The following STK32B variants were observed in gnomAD, a reference collection of about 807,000 sequenced individuals.
STK32B encodes the protein serine/threonine-protein kinase 32B.
A neutral mutation model predicts 52.6 loss-of-function variants in STK32B; 43 were observed. That is an observed-to-expected ratio of 0.82 (90% CI 0.64 to 1.05). The LOEUF (loss-of-function observed/expected upper bound fraction) is 1.05. Among genes scored for constraint, STK32B ranks in the 50% least tolerant of loss-of-function variants. STK32B has a pLI of 0.00. For missense variants in STK32B, 621 were observed against 534.6 expected, an observed-to-expected ratio of 1.16 and a Z score of -1.59; for synonymous variants, 238 against 204.3, an observed-to-expected ratio of 1.17 and a Z score of -1.41.
At chr4:5,196,225 C>T (rs566947946) in intron 3 of STK32B, among the ~76,000 whole-genome samples, 1 of 152,108 alleles carries the variant, frequency 6.6e-6, no homozygotes, top group East Asian at 1.9e-4. Flanking sequence ...GCACAGCCTA[C>T]ATGCTCAATG....
chr4:5,343,454 G>T (rs1244786250), intron 4 of STK32B, among the ~76,000 whole-genome samples: 1 of 152,030 alleles, frequency 6.6e-6, no homozygotes, highest in Non-Finnish European at 1.5e-5. Context: ...ATAATCCTTT[G>T]GCTATATACC....
chr4:5,237,999 CGA>C (rs1158340400), intron 3 of STK32B, among the ~76,000 whole-genome samples: 2 of 152,116 alleles, frequency 1.3e-5, no homozygotes, highest in Non-Finnish European at 2.9e-5. Context: ...TATTTGAAAA[CGA>C]GAGAGTCTGA....
chr4:5,272,121 G>T (rs1476031174), intron 3 of STK32B, among the ~76,000 whole-genome samples: 1 of 146,638 alleles, frequency 6.8e-6, no homozygotes, highest in Non-Finnish European at 1.5e-5. Context: ...TGTCCATTCA[G>T]TATGATATTG....
Position 5,249,494 on chromosome 4 carries a change from CCTTCCTT to C in STK32B, c.260+81046_260+81052del, listed in dbSNP as rs1440694729. Reference sequence around the variant, plus strand: ...TCCTTCCTTCCTTCCTTCCTTCCTTCCTTCCTTCCTCCCTCCCTTCCTTTAAACTTTT... The same window carrying C: ...TCCTTCCTTCCTTCCTTCCTTCCTTCCCTCCCTCCCTTCCTTTAAACTTTT... On this transcript the variant is annotated intron_variant, in intron 3 of 11. Transcript: ENST00000282908. 7.3e-4 allele frequency among the ~76,000 whole-genome samples: 96 copies of C among 130,686 alleles called. 1 individual carries two copies. The highest frequency in any genetic ancestry group is 3.5e-3 in the East Asian group (14 of 4,036). The allele number at this position is 130,686 out of a possible 152,430, so 85.7% of individuals were successfully genotyped here.
intron 4 of STK32B, among the ~76,000 whole-genome samples, chr4:5,390,971 T>TA (rs1196743447): frequency 6.7e-6 from 1 of 148,468 alleles, no homozygotes; most frequent in Non-Finnish European, 1.5e-5. Flanking sequence ...TATCTTTTTT[T>TA]TTTTTTTTTT....
intron 2 of STK32B, among the ~76,000 whole-genome samples, chr4:5,152,745 T>C (rs927532243): frequency 1.3e-5 from 2 of 152,252 alleles, no homozygotes; most frequent in Admixed American, 1.3e-4. Flanking sequence ...GCAGGTGTCA[T>C]AGTAAGCCTG....
At chr4:5,247,517 T>G (rs1725543665) in intron 3 of STK32B, among the ~76,000 whole-genome samples, 1 of 152,194 alleles carries the variant, frequency 6.6e-6, no homozygotes, top group Non-Finnish European at 1.5e-5. Flanking sequence ...CCCCTTGCAC[T>G]TCTCGGGTGA....
chr4:5,308,059 C>T (rs1730045314), intron 3 of STK32B, among the ~76,000 whole-genome samples: 1 of 152,050 alleles, frequency 6.6e-6, no homozygotes, highest in African/African-American at 2.4e-5. Context: ...ATGTGAGGGT[C>T]CTCGGTTGTA....
At chr4:5,412,041 C>G (rs1242799415) in intron 5 of STK32B, among the ~76,000 whole-genome samples, 1 of 152,054 alleles carries the variant, frequency 6.6e-6, no homozygotes, top group Non-Finnish European at 1.5e-5. Flanking sequence ...GAAGAACATT[C>G]CAAGGGGTGT....
At chr4:5,319,084 G>C (rs139688863) in intron 3 of STK32B, among the ~76,000 whole-genome samples, 4 of 152,132 alleles carry the variant, frequency 2.6e-5, no homozygotes, top group Admixed American at 2.0e-4. Context: ...GATTACAGGC[G>C]TGAGCCACCA....
rs990940719 is a variant in STK32B, at chr4:5,380,683, G to A, written c.435-17524G>A. Among the ~76,000 whole-genome samples, 3 of 152,254 alleles carry A rather than the reference G, an allele frequency of 2.0e-5. No homozygotes were observed. Among genetic ancestry groups the A allele is most frequent in the East Asian group, 3.9e-4 (2 of 5,174 alleles). ...AGGGTCCGTGTTTGATTTAATGCCCGGTACTTGCCATCGTGAAATCCTTAA... is the reference window on the plus strand; with the variant it reads ...AGGGTCCGTGTTTGATTTAATGCCCAGTACTTGCCATCGTGAAATCCTTAA... On this transcript the variant is annotated intron_variant, in intron 4 of 11. Transcript: ENST00000282908. The surrounding 1 kb of genome is among the most constrained non-coding windows in gnomAD (Gnocchi z 4.3).
intron 1 of STK32B, among the ~76,000 whole-genome samples, chr4:5,068,761 G>T (rs1711578960): frequency 6.6e-6 from 1 of 151,932 alleles, no homozygotes; most frequent in South Asian, 2.1e-4. Context: ...TTATATTTCT[G>T]CTTTAAATTG....
Position 5,416,872 on chromosome 4 carries a change from T to A in STK32B, c.500T>A (p.Ile167Lys), listed in dbSNP as rs772605768. 2 of 1,613,966 alleles carry A rather than the reference T, an allele frequency of 1.2e-6. No homozygotes were observed. Among genetic ancestry groups the A allele is most frequent in the Non-Finnish European group, 1.7e-6 (2 of 1,179,944 alleles). ...HGHVHITDFN[I>K]ATVVKGAERA... ...CATGTTCACATTACAGACTTCAACA[T>A]AGCGACGGTAGTGAAAGGAGCAGAA... The change falls in exon 6 of 12, where the codon ATA (isoleucine) becomes AAA (lysine). Residue 167 changes from isoleucine to lysine, a missense_variant. Coordinates refer to ENST00000282908, the MANE Select transcript of STK32B (RefSeq NM_018401.3).
At chr4:5,491,579 T>A (rs1719738305) in intron 11 of STK32B, among the ~76,000 whole-genome samples, 1 of 151,966 alleles carries the variant, frequency 6.6e-6, no homozygotes, top group African/African-American at 2.4e-5. Context: ...GCTCTTTAGT[T>A]TAATGAGATC....
In STK32B at chr4:5,467,077, G is replaced by T. The variant is rs868647591; in HGVS notation, c.1041+243G>T. Among the ~76,000 whole-genome samples, 1 of 152,160 alleles carries T rather than the reference G, an allele frequency of 6.6e-6. No individual in the cohort carries two copies. The highest frequency in any genetic ancestry group is 1.9e-4 in the East Asian group (1 of 5,178). On this transcript the variant is annotated intron_variant, in intron 10 of 11. Transcript: ENST00000282908. The surrounding 1 kb of genome is among the most constrained non-coding windows in gnomAD (Gnocchi z 5.8). ...GGAAGCTTGTGTAGCTCTAAGGCAG[G>T]GGGAGGGACCCAGCGGTCCCACTGC...
At chr4:5,131,221 C>T (rs960499480) in intron 1 of STK32B, among the ~76,000 whole-genome samples, 1 of 152,204 alleles carries the variant, frequency 6.6e-6, no homozygotes. Context: ...TGCACCAGCA[C>T]TAAGGGCTTG....
rs115920511 is a variant in STK32B, at chr4:5,466,001, C to T, written c.910-702C>T. Reference sequence around the variant, plus strand: ...TGAAACTTACAAGATCAGGAAGTAGCAGAACTGGGATTTTTCCCCTGTGCG... The same window carrying T: ...TGAAACTTACAAGATCAGGAAGTAGTAGAACTGGGATTTTTCCCCTGTGCG... On this transcript the variant is annotated intron_variant, in intron 9 of 11. Transcript: ENST00000282908. Among the ~76,000 whole-genome samples the T allele has an allele frequency of 4.1e-3, 632 of 152,338 alleles. 3 individuals are homozygous for T. The highest frequency in any genetic ancestry group is 6.9e-3 in the Non-Finnish European group (472 of 68,038).
the STK32B span, among the ~76,000 whole-genome samples, chr4:5,046,027 T>C: frequency 6.6e-6 from 1 of 152,156 alleles, no homozygotes; most frequent in African/African-American, 2.4e-5. Flanking sequence ...AAATATCATA[T>C]GACATCAAAG....
At chr4:5,103,258 CAT>C (rs1713921691) in intron 1 of STK32B, among the ~76,000 whole-genome samples, 2 of 151,918 alleles carry the variant, frequency 1.3e-5, no homozygotes, top group African/African-American at 4.8e-5. Flanking sequence ...CGAAGTGAAA[CAT>C]AGACACAGTT....
Sources: gnomAD v4.1 joint callset for allele counts (sites outside exome capture counted in the v4.1 genomes callset) on GRCh38, gnomAD v4.1.1 for gene constraint, Gnocchi (gnomAD v3.1) non-coding constraint, MANE v1.5 for transcripts, NCBI Gene and HGNC (gene_info 2026-07-23, HGNC 2026-07-21) for gene names.